SLC4A10: variants seen among roughly 807,000 people sequenced by gnomAD.
SLC4A10 encodes sodium-driven chloride bicarbonate exchanger.
In SLC4A10, 42 loss-of-function variants were observed where a neutral mutation model predicts 137.7. The ratio of observed to expected loss-of-function variants is 0.30; its 90% CI spans 0.24 to 0.39. The LOEUF is 0.39. Among genes scored for constraint, SLC4A10 ranks in the 10% least tolerant of loss-of-function variants. The probability of loss-of-function intolerance (pLI) is 1.00; values close to 1 mark genes in which losing one functional copy is unlikely to be tolerated. For missense variants in SLC4A10, 925 were observed against 1,355.0 expected, an observed-to-expected ratio of 0.68 and a Z score of 4.98; for synonymous variants, 474 against 464.1, an observed-to-expected ratio of 1.02 and a Z score of -0.27.
chr2:161,953,162 A>C (rs1014228504), intron 19 of SLC4A10, among the ~76,000 whole-genome samples: 2 of 152,178 alleles, frequency 1.3e-5, no homozygotes, highest in Non-Finnish European at 2.9e-5. Flanking sequence ...CACATCATGT[A>C]TCTAAGTCTA....
chr2:161,953,835 A>C (rs1476459911), intron 19 of SLC4A10, among the ~76,000 whole-genome samples: 1 of 152,228 alleles, frequency 6.6e-6, no homozygotes, highest in Non-Finnish European at 1.5e-5. Context: ...ATAAATGTAC[A>C]TATAAATCCA....
At chr2:161,831,169 A>G (rs1423193842) in intron 3 of SLC4A10, among the ~76,000 whole-genome samples, 3 of 152,182 alleles carry the variant, frequency 2.0e-5, no homozygotes, top group Non-Finnish European at 4.4e-5. Flanking sequence ...GTTACCACAG[A>G]TATTTATTTA....
intron 1 of SLC4A10, among the ~76,000 whole-genome samples, chr2:161,649,575 C>A (rs956113834): frequency 1.3e-5 from 2 of 151,966 alleles, no homozygotes; most frequent in African/African-American, 4.8e-5. Flanking sequence ...AATTATATTT[C>A]AAATCTCATT....
intron 1 of SLC4A10, among the ~76,000 whole-genome samples, chr2:161,671,419 T>C (rs749366402): frequency 6.6e-6 from 1 of 152,202 alleles, no homozygotes; most frequent in Non-Finnish European, 1.5e-5. Context: ...GCAACACTAA[T>C]AGACGGAGAC....
intron 1 of SLC4A10, among the ~76,000 whole-genome samples, chr2:161,718,756 A>T (rs928661015): frequency 6.6e-6 from 1 of 152,154 alleles, no homozygotes; most frequent in African/African-American, 2.4e-5. Context: ...TAGTGCTGAG[A>T]AGAATGTATA....
At chr2:161,873,893 A>C in intron 7 of SLC4A10, 23 bp from the exon 8 acceptor site, 1 of 1,583,612 alleles carries the variant, frequency 6.3e-7, no homozygotes, top group Non-Finnish European at 8.5e-7. Context: ...GTACCAGCTT[A>C]AGTCTGTTAA....
At chr2:161,781,960 A>G (rs1202140279) in intron 2 of SLC4A10, among the ~76,000 whole-genome samples, 1 of 152,066 alleles carries the variant, frequency 6.6e-6, no homozygotes, top group African/African-American at 2.4e-5. Flanking sequence ...TGTGCATCCA[A>G]TACCCCAACT....
intron 19 of SLC4A10, among the ~76,000 whole-genome samples, chr2:161,954,222 C>G (rs1327561006): frequency 6.6e-6 from 1 of 152,148 alleles, no homozygotes; most frequent in Non-Finnish European, 1.5e-5. Flanking sequence ...TCATGTCAAT[C>G]TATAGTCTTT....
intron 1 of SLC4A10, among the ~76,000 whole-genome samples, chr2:161,672,347 A>C (rs1188700014): frequency 6.6e-6 from 1 of 152,122 alleles, no homozygotes; most frequent in African/African-American, 2.4e-5. Flanking sequence ...TTTAATGTTT[A>C]AAAAAACAAA....
chr2:161,687,701 C>T (rs531498793), intron 1 of SLC4A10, among the ~76,000 whole-genome samples: 38 of 152,218 alleles, frequency 2.5e-4, no homozygotes, highest in African/African-American at 8.4e-4. Flanking sequence ...AAGGTGGGGA[C>T]CGGGTCGATG....
intron 2 of SLC4A10, among the ~76,000 whole-genome samples, chr2:161,777,411 T>C (rs2052480016): frequency 1.3e-5 from 2 of 151,976 alleles, no homozygotes; most frequent in Admixed American, 6.6e-5. Context: ...TTCAATGTCA[T>C]AGCCAGGAAA....
At position 161,984,679 on chromosome 2, in the gene SLC4A10, GC is replaced by G. The variant is rs1364887037; in HGVS notation, c.*1533del. 2.6e-5 allele frequency: 4 copies of G among 151,956 alleles called. No homozygotes were observed. Among genetic ancestry groups the G allele is most frequent in the South Asian group, 2.1e-4 (1 of 4,824 alleles). The allele number at this position is 151,956 out of a possible 1,614,324, so 9.4% of individuals were successfully genotyped here. Reference sequence around the variant, plus strand: ...AATTCCCCTCACAATTCTTTAAGGAGCCCCCCTTTTTATGGAACATGAGCCT... The same window carrying G: ...AATTCCCCTCACAATTCTTTAAGGAGCCCCCTTTTTATGGAACATGAGCCT... On this transcript the variant is annotated 3_prime_UTR_variant, in exon 27 of 27. Coordinates refer to ENST00000446997, the MANE Select transcript of SLC4A10 (RefSeq NM_001178015.2).
intron 1 of SLC4A10, chr2:161,709,649 A>C (rs138922495): frequency 1.0e-3 from 153 of 151,670 alleles, no homozygotes; most frequent in African/African-American, 3.4e-3. Flanking sequence ...TATGTTAAAC[A>C]TGCAAATGAT....
At chr2:161,702,439 A>T (rs1295271329) in intron 1 of SLC4A10, among the ~76,000 whole-genome samples, 1 of 151,930 alleles carries the variant, frequency 6.6e-6, no homozygotes, top group Non-Finnish European at 1.5e-5. Flanking sequence ...TTTACTTAGC[A>T]CTGGAATAGT....
At chr2:161,935,788 G>A (rs1691473405) in intron 15 of SLC4A10, among the ~76,000 whole-genome samples, 1 of 151,220 alleles carries the variant, frequency 6.6e-6, no homozygotes, top group Non-Finnish European at 1.5e-5. Context: ...TCTTTCTTTT[G>A]CCTAATGGCT....
chr2:161,752,374 G>A (rs967930856), intron 1 of SLC4A10, among the ~76,000 whole-genome samples: 14 of 151,846 alleles, frequency 9.2e-5, no homozygotes, highest in African/African-American at 3.1e-4. Context: ...AAAAAGCCTT[G>A]CCATATCCTT....
intron 10 of SLC4A10, among the ~76,000 whole-genome samples, chr2:161,891,122 C>T (rs980179702): frequency 1.2e-4 from 18 of 152,026 alleles, no homozygotes; most frequent in African/African-American, 4.3e-4. Flanking sequence ...GAATATTGGC[C>T]CCCACTCTCT....
At chr2:161,841,278 A>C (rs925299711) in intron 4 of SLC4A10, among the ~76,000 whole-genome samples, 2 of 152,016 alleles carry the variant, frequency 1.3e-5, no homozygotes, top group Non-Finnish European at 2.9e-5. Context: ...GGGTTTCACC[A>C]TGTTGGCCAG....
intron 9 of SLC4A10, among the ~76,000 whole-genome samples, chr2:161,881,997 C>T (rs1388269585): frequency 6.6e-6 from 1 of 151,862 alleles, no homozygotes; most frequent in African/African-American, 2.4e-5. Flanking sequence ...GAGTTTTCTT[C>T]CTTCCAATTT....
Sources: gnomAD v4.1 joint callset for allele counts (sites outside exome capture counted in the v4.1 genomes callset) on GRCh38, gnomAD v4.1.1 for gene constraint, MANE v1.5 for transcripts, NCBI Gene and HGNC (gene_info 2026-07-23, HGNC 2026-07-21) for gene names.